ABI3BP: variants seen among roughly 807,000 people sequenced by gnomAD.
ABI3BP encodes ABI family member 3 binding protein.
Under a neutral mutation model 268.6 loss-of-function variants are expected in ABI3BP, and 216 were observed. The observed-to-expected ratio is 0.80, with a 90% CI of 0.72 to 0.90. The LOEUF (loss-of-function observed/expected upper bound fraction) is 0.90, where lower values mean the gene tolerates loss of function less well. ABI3BP is among the 40% of genes least tolerant of loss of function. The pLI is 0.00. For synonymous variants in ABI3BP, 730 were observed against 730.0 expected, an observed-to-expected ratio of 1.00 and a Z score of 0.00; for missense variants, 2,090 against 2,182.4, an observed-to-expected ratio of 0.96 and a Z score of 0.84.
intron 57 of ABI3BP, among the ~76,000 whole-genome samples, chr3:100,783,551 A>C (rs1296876588): frequency 6.6e-6 from 1 of 152,218 alleles, no homozygotes; most frequent in Non-Finnish European, 1.5e-5. Flanking sequence ...AACTTTTTCT[A>C]TACTTGCTTT....
chr3:100,814,920 G>T (rs1416881090), intron 44 of ABI3BP, among the ~76,000 whole-genome samples: 1 of 152,120 alleles, frequency 6.6e-6, no homozygotes, highest in African/African-American at 2.4e-5. Context: ...CCCTGTAATT[G>T]TCAAGCTGTT....
intron 50 of ABI3BP, among the ~76,000 whole-genome samples, chr3:100,806,700 C>T (rs887295802): frequency 6.6e-6 from 1 of 152,006 alleles, no homozygotes; most frequent in Non-Finnish European, 1.5e-5. Flanking sequence ...TTGCTTCAAT[C>T]GGGACATCAG....
intron 63 of ABI3BP, 58 bp from the exon 64 acceptor site, chr3:100,754,749 C>A: frequency 3.6e-6 from 5 of 1,399,070 alleles, no homozygotes; most frequent in South Asian, 1.2e-5. Flanking sequence ...TAGGAGGCAA[C>A]ATTGCCCTAT....
Position 100,993,407 on chromosome 3 carries a change from G to A in ABI3BP, c.-23C>T. 2 of 1,548,500 alleles carry A rather than the reference G, an allele frequency of 1.3e-6. No homozygotes were observed. The highest frequency in any genetic ancestry group is 1.7e-6 in the Non-Finnish European group (2 of 1,144,118). Reference sequence around the variant, plus strand: ...CATGTTGCATTTGCCACCTCGCATGGGGAATGATGCTGGTGGGTGCCTCGC... The same window carrying A: ...CATGTTGCATTTGCCACCTCGCATGAGGAATGATGCTGGTGGGTGCCTCGC... On this transcript the variant is annotated 5_prime_UTR_variant, in exon 1 of 68. Coordinates refer to ENST00000471714, the MANE Select transcript of ABI3BP (RefSeq NM_001375547.2).
rs2099022295 is a variant in ABI3BP at position 100,863,687 on chromosome 3, T to C, written c.1138+315A>G. 1.2e-5 allele frequency: 3 copies of C among 242,320 alleles called. No homozygotes were observed. The Admixed American group carries it at 1.5e-4, about 12-fold the overall frequency. 15.0% of individuals were successfully genotyped at this position (242,320 alleles called of 1,614,324 possible). A position where few individuals can be genotyped will look rare whatever the true frequency, so the allele number is the denominator to read the frequency against. ...AAGCAGTCTGCAGAAATATCATAAA[T>C]ATATCTTCTCTGTTAAGAGAGACAA... On this transcript the variant is annotated intron_variant, in intron 12 of 67. Coordinates refer to ENST00000471714, the MANE Select transcript of ABI3BP (RefSeq NM_001375547.2).
intron 14 of ABI3BP, among the ~76,000 whole-genome samples, 172 bp from the exon 15 acceptor site, chr3:100,852,112 A>C (rs778006217): frequency 1.3e-5 from 2 of 152,138 alleles, no homozygotes; most frequent in African/African-American, 2.4e-5. Flanking sequence ...TAAGCACCGA[A>C]ACTCGCCTTT....
intron 6 of ABI3BP, among the ~76,000 whole-genome samples, chr3:100,884,298 C>T (rs1167293710): frequency 4.0e-5 from 6 of 151,438 alleles, no homozygotes; most frequent in Non-Finnish European, 8.9e-5. Context: ...GAAAAAAAAA[C>T]AGGCCTAGGA....
intron 9 of ABI3BP, among the ~76,000 whole-genome samples, chr3:100,867,202 T>C (rs1409922166): frequency 2.0e-5 from 3 of 150,368 alleles, no homozygotes; most frequent in African/African-American, 7.3e-5. Flanking sequence ...GGCATTGAAA[T>C]GAAGAAAAAA....
intron 1 of ABI3BP, among the ~76,000 whole-genome samples, chr3:100,966,875 C>T (rs900927941): frequency 6.6e-6 from 1 of 152,060 alleles, no homozygotes; most frequent in South Asian, 2.1e-4. Context: ...AGCATAGAGT[C>T]CTACACCAAA....
intron 52 of ABI3BP, among the ~76,000 whole-genome samples, 185 bp downstream of exon 52, chr3:100,796,224 C>T (rs1415888631): frequency 6.6e-6 from 1 of 152,032 alleles, no homozygotes; most frequent in East Asian, 1.9e-4. Context: ...ACTATTCCCT[C>T]ACTTCACCAA....
intron 3 of ABI3BP, among the ~76,000 whole-genome samples, chr3:100,899,130 C>T (rs1018849062): frequency 6.6e-6 from 1 of 152,162 alleles, no homozygotes; most frequent in African/African-American, 2.4e-5. Context: ...TATGCATACA[C>T]ATGTATATGT....
intron 4 of ABI3BP, among the ~76,000 whole-genome samples, chr3:100,892,610 A>C (rs1182742509): frequency 1.3e-5 from 2 of 152,248 alleles, no homozygotes. Context: ...AGTCATTTAC[A>C]TACTTGCCAC....
intron 20 of ABI3BP, among the ~76,000 whole-genome samples, chr3:100,846,123 G>T (rs1469882992): frequency 6.6e-6 from 1 of 152,100 alleles, no homozygotes; most frequent in African/African-American, 2.4e-5. Context: ...GTAGACAAGG[G>T]AGTTCGCAAT....
chr3:100,907,911 C>T (rs963855339), intron 2 of ABI3BP, among the ~76,000 whole-genome samples: 15 of 151,916 alleles, frequency 9.9e-5, no homozygotes, highest in Admixed American at 7.2e-4. Flanking sequence ...GTCAGGAGAT[C>T]GAGACCATCC....
At chr3:100,851,184 C>T (rs561682389) in intron 15 of ABI3BP, among the ~76,000 whole-genome samples, 9 of 152,326 alleles carry the variant, frequency 5.9e-5, no homozygotes, top group African/African-American at 2.2e-4. Context: ...GAATCTCCTA[C>T]AGTACCCAGT....
intron 2 of ABI3BP, among the ~76,000 whole-genome samples, chr3:100,913,783 T>C (rs1358269114): frequency 2.0e-5 from 3 of 152,184 alleles, no homozygotes; most frequent in Non-Finnish European, 2.9e-5. Flanking sequence ...CATCACAAAG[T>C]AATATAAGTC....
intron 20 of ABI3BP, chr3:100,843,796 T>G (rs186816217): frequency 1.5e-5 from 15 of 984,970 alleles, no homozygotes; most frequent in Non-Finnish European, 1.8e-5. Flanking sequence ...AAAATTATTT[T>G]GAAACTTCAA....
chr3:100,774,398 G>T (rs1157979035), intron 61 of ABI3BP, among the ~76,000 whole-genome samples: 1 of 152,154 alleles, frequency 6.6e-6, no homozygotes, highest in African/African-American at 2.4e-5. Context: ...AGGCCTAGCT[G>T]TACCTGCTGC....
chr3:100,842,061 T>TC lies in ABI3BP; in HGVS notation c.1724-23dup, dbSNP rs769288605. 6.5e-6 allele frequency: 10 copies of TC among 1,526,756 alleles called. No homozygotes were observed. The South Asian group carries it at 1.2e-4, about 18-fold the overall frequency. 94.6% of individuals were successfully genotyped at this position (1,526,756 alleles called of 1,614,324 possible). Reference sequence around the variant, plus strand: ...GGGGCTGTAATAAAAGCAAGTAATATCAAAAGCAATGCTGAAGAGCACCAT... The same window carrying TC: ...GGGGCTGTAATAAAAGCAAGTAATATCCAAAAGCAATGCTGAAGAGCACCAT... On this transcript the variant is annotated intron_variant, in intron 20 of 67. Coordinates refer to ENST00000471714, the MANE Select transcript of ABI3BP (RefSeq NM_001375547.2).
Sources: gnomAD v4.1 joint callset for allele counts (sites outside exome capture counted in the v4.1 genomes callset) on GRCh38, gnomAD v4.1.1 for gene constraint, MANE v1.5 for transcripts, NCBI Gene and HGNC (gene_info 2026-07-23, HGNC 2026-07-21) for gene names.